The following NREP variants were observed in gnomAD, a reference collection of about 807,000 sequenced individuals.
The protein encoded by NREP is neuronal regeneration related protein.
NREP carries 5 observed loss-of-function variants against 8.6 expected under a neutral mutation model. The ratio of observed to expected loss-of-function variants is 0.58; its 90% confidence interval spans 0.30 to 1.22. NREP has a LOEUF of 1.22. Among genes scored for constraint, NREP ranks in the 50% most tolerant of loss-of-function variants. NREP has a pLI of 0.07. For synonymous variants in NREP, 27 were observed against 28.0 expected (o/e 0.96, Z 0.11); for missense variants, 86 against 82.5 (o/e 1.04, Z -0.17).
At chr5:111,753,870 C>T (rs1335969634) in intron 2 of NREP, among the ~76,000 whole-genome samples, 1 of 151,478 alleles carries the variant, frequency 6.6e-6, no homozygotes, top group East Asian at 1.9e-4. Context: ...GATACAAAGA[C>T]ACCTCTAATA....
chr5:111,894,184 ACTC>A (rs1407452577), intron 2 of NREP, among the ~76,000 whole-genome samples: 1 of 152,090 alleles, frequency 6.6e-6, no homozygotes, highest in African/African-American at 2.4e-5. Flanking sequence ...ACGCCATTGC[ACTC>A]CAGCCTGGGA....
At chr5:111,975,267 G>A (rs1430074329) in intron 2 of NREP, 4 of 1,544,666 alleles carry the variant, frequency 2.6e-6, no homozygotes, top group East Asian at 2.4e-5. Context: ...ATAGCAGTTT[G>A]TCTTACACAA....
At chr5:111,888,018 C>G (rs953543690) in intron 2 of NREP, among the ~76,000 whole-genome samples, 1 of 152,114 alleles carries the variant, frequency 6.6e-6, no homozygotes, top group African/African-American at 2.4e-5. Context: ...ACAAGACTTA[C>G]ATGGAACAGC....
intron 2 of NREP, among the ~76,000 whole-genome samples, chr5:111,777,156 C>T (rs1453509302): frequency 6.6e-6 from 1 of 152,096 alleles, no homozygotes; most frequent in African/African-American, 2.4e-5. Context: ...TGAACCACAG[C>T]TCACAGAACC....
intron 2 of NREP, among the ~76,000 whole-genome samples, chr5:111,892,620 A>C (rs1049615345): frequency 6.7e-5 from 10 of 148,826 alleles, no homozygotes; most frequent in Admixed American, 2.0e-4. Context: ...TGGAAAAAAA[A>C]CCCAAAAAAC....
chr5:111,901,978 C>A (rs1288153616), intron 2 of NREP, among the ~76,000 whole-genome samples: 1 of 152,040 alleles, frequency 6.6e-6, no homozygotes, highest in African/African-American at 2.4e-5. Context: ...CCACAAAAGA[C>A]CCCAAATAGT....
chr5:111,770,776 C>T (rs1393426560), intron 2 of NREP, among the ~76,000 whole-genome samples: 1 of 151,740 alleles, frequency 6.6e-6, no homozygotes, highest in Non-Finnish European at 1.5e-5. Context: ...CACCGTGTTG[C>T]CCAGGCTGGT....
intron 2 of NREP, among the ~76,000 whole-genome samples, chr5:111,842,347 T>C (rs180672070): frequency 8.0e-4 from 122 of 152,316 alleles, no homozygotes; most frequent in African/African-American, 2.9e-3. Context: ...CAGAATATTG[T>C]GAGTTTAGTT....
Position 111,730,791 on chromosome 5 carries a change from T to A in NREP, c.*130A>T. 1 of 1,094,098 alleles carries A rather than the reference T, an allele frequency of 9.1e-7. No homozygotes were observed. The allele number at this position is 1,094,098 out of a possible 1,614,324, so 67.8% of individuals were successfully genotyped here. A position where few individuals can be genotyped will look rare whatever the true frequency, so the allele number is the denominator to read the frequency against. On this transcript the variant is annotated 3_prime_UTR_variant, in exon 4 of 4. Transcript: ENST00000257435. ...ACCTATTTGTCCACTGTAAATTCTC[T>A]AAAGCAAGGCTCAGAGTCCCATAGT...
intron 2 of NREP, among the ~76,000 whole-genome samples, chr5:111,776,859 A>G (rs1333142974): frequency 6.6e-6 from 1 of 152,206 alleles, no homozygotes; most frequent in African/African-American, 2.4e-5. Context: ...TGGTGTTTAC[A>G]AAGGTATATA....
intron 2 of NREP, among the ~76,000 whole-genome samples, chr5:111,858,125 T>C (rs1253534834): frequency 6.6e-6 from 1 of 152,084 alleles, no homozygotes; most frequent in Non-Finnish European, 1.5e-5. Context: ...GGGAACTTGA[T>C]AGAAATGCTC....
intron 2 of NREP, among the ~76,000 whole-genome samples, chr5:111,793,178 A>G (rs970566945): frequency 1.3e-5 from 2 of 152,202 alleles, no homozygotes; most frequent in African/African-American, 4.8e-5. Flanking sequence ...GGTTTTAGGA[A>G]CTGTGTAAGT....
chr5:111,930,166 T>C (rs2112596343), intron 2 of NREP, among the ~76,000 whole-genome samples: 1 of 152,234 alleles, frequency 6.6e-6, no homozygotes, highest in African/African-American at 2.4e-5. Context: ...TGCAATACTC[T>C]GATTTAGCAA....
intron 2 of NREP, among the ~76,000 whole-genome samples, chr5:111,854,487 A>G (rs911073052): frequency 1.3e-5 from 2 of 152,190 alleles, no homozygotes; most frequent in Non-Finnish European, 2.9e-5. Context: ...GAAGCTGTAG[A>G]CAGGCTACAT....
At chr5:111,899,184 A>G (rs1170702909) in intron 2 of NREP, among the ~76,000 whole-genome samples, 1 of 152,186 alleles carries the variant, frequency 6.6e-6, no homozygotes, top group East Asian at 1.9e-4. Context: ...ACAAATGAGA[A>G]AGAGAAAGGA....
intron 2 of NREP, among the ~76,000 whole-genome samples, chr5:111,898,787 T>C (rs1308772535): frequency 6.6e-6 from 1 of 152,194 alleles, no homozygotes; most frequent in African/African-American, 2.4e-5. Flanking sequence ...CTCCAAGGCA[T>C]ATTATCATCA....
chr5:111,840,908 C>G (rs995341188), intron 2 of NREP, among the ~76,000 whole-genome samples: 8 of 151,954 alleles, frequency 5.3e-5, no homozygotes, highest in Non-Finnish European at 1.2e-4. Flanking sequence ...AAGAGATTTG[C>G]CTAATATAAA....
At chr5:111,855,669 G>A (rs565920042) in intron 2 of NREP, among the ~76,000 whole-genome samples, 5 of 152,130 alleles carry the variant, frequency 3.3e-5, no homozygotes, top group African/African-American at 1.2e-4. Context: ...AACCTTCAGG[G>A]GATTTGAGGA....
At chr5:111,856,206 G>T (rs1753423825) in intron 2 of NREP, among the ~76,000 whole-genome samples, 1 of 152,136 alleles carries the variant, frequency 6.6e-6, no homozygotes, top group Admixed American at 6.6e-5. Context: ...CTTTCAAAGG[G>T]ATCGTAAACA....
Sources: allele counts gnomAD v4.1 joint callset (sites outside exome capture counted in the v4.1 genomes callset), GRCh38; gene constraint gnomAD v4.1.1; transcripts MANE v1.5; gene names NCBI Gene and HGNC (gene_info 2026-07-23, HGNC 2026-07-21).